Variants in JHY observed in about 807,000 individuals in gnomAD.
JHY encodes junctional cadherin complex regulator, also known as jhy protein homolog.
Under a neutral mutation model 78.0 loss-of-function variants are expected in JHY, and 69 were observed. That is an observed-to-expected ratio of 0.88 (90% CI 0.73 to 1.08). The LOEUF is 1.08. Ranked by LOEUF, JHY falls within the 50% of genes least tolerant of loss-of-function variation. The probability of loss-of-function intolerance (pLI) is 0.00; values close to 1 mark genes in which losing one functional copy is unlikely to be tolerated. For missense variants in JHY, 944 were observed against 927.8 expected, an observed-to-expected ratio of 1.02 and a Z score of -0.23; for synonymous variants, 368 against 342.6, an observed-to-expected ratio of 1.07 and a Z score of -0.82.
intron 2 of JHY, among the ~76,000 whole-genome samples, chr11:122,895,674 C>G (rs1368240506): frequency 6.6e-6 from 1 of 152,224 alleles, no homozygotes; most frequent in Non-Finnish European, 1.5e-5. Flanking sequence ...GCTGTCTGAA[C>G]AGTAACAAAA....
chr11:122,915,544 G>C (rs555618223), intron 3 of JHY, among the ~76,000 whole-genome samples: 12 of 152,008 alleles, frequency 7.9e-5, no homozygotes, highest in African/African-American at 2.9e-4. Flanking sequence ...ACAGAGTCTC[G>C]CCCTGTCATC....
intron 6 of JHY, 41 bp from the exon 7 acceptor site, chr11:122,956,455 C>A: frequency 1.3e-6 from 2 of 1,588,388 alleles, no homozygotes; most frequent in Non-Finnish European, 1.7e-6. Flanking sequence ...GGGGGACACA[C>A]AAGTCCTTAA....
chr11:122,892,794 A>T (rs1862653294), intron 2 of JHY, among the ~76,000 whole-genome samples: 1 of 152,186 alleles, frequency 6.6e-6, no homozygotes, highest in South Asian at 2.1e-4. Flanking sequence ...CTTAGGGAAG[A>T]CCAAAACTCA....
At chr11:122,912,893 GC>G (rs1187619935) in intron 3 of JHY, among the ~76,000 whole-genome samples, 3 of 151,946 alleles carry the variant, frequency 2.0e-5, no homozygotes, top group African/African-American at 7.3e-5. Flanking sequence ...TTTATACCAA[GC>G]TACGGACTCG....
chr11:122,915,342 T>G (rs900739087), intron 3 of JHY, among the ~76,000 whole-genome samples: 1 of 152,184 alleles, frequency 6.6e-6, no homozygotes, highest in Non-Finnish European at 1.5e-5. Context: ...GAAGCAGACA[T>G]GTAAACAGTC....
chr11:122,903,850 T>C (rs1448262142), intron 2 of JHY, 75 bp from the exon 3 acceptor site: 1 of 1,489,566 alleles, frequency 6.7e-7, no homozygotes, highest in African/African-American at 1.4e-5. Context: ...TGATTTCAAA[T>C]AAAATGTTCA....
At chr11:122,940,287 G>A (rs1161661592) in intron 5 of JHY, among the ~76,000 whole-genome samples, 1 of 152,078 alleles carries the variant, frequency 6.6e-6, no homozygotes, top group Non-Finnish European at 1.5e-5. Flanking sequence ...GCAGTGAGCT[G>A]AGATCCTGCC....
intron 3 of JHY, among the ~76,000 whole-genome samples, chr11:122,924,166 G>A (rs559628513): frequency 1.4e-4 from 22 of 151,738 alleles, no homozygotes; most frequent in Admixed American, 1.2e-3. Context: ...TAATTTCCTC[G>A]GTTTTTCTAA....
In JHY at chr11:122,899,483, C is replaced by G. The variant is rs143050258; in HGVS notation, c.345-4442C>G. ...CAAGAAGCCTTTACATGTTTAGATT[C>G]GAATTTATTACTATTGATTTTTAAA... On this transcript the variant is annotated intron_variant, in intron 2 of 8. Coordinates refer to ENST00000227349, the MANE Select transcript of JHY (RefSeq NM_024806.4). 1.1e-4 allele frequency among the ~76,000 whole-genome samples: 17 copies of G among 152,236 alleles called. 1 individual carries two copies. The highest frequency in any genetic ancestry group is 1.1e-3 in the Admixed American group (17 of 15,288).
chr11:122,896,758 A>G (rs1428260996), intron 2 of JHY, among the ~76,000 whole-genome samples: 1 of 152,210 alleles, frequency 6.6e-6, no homozygotes, highest in African/African-American at 2.4e-5. Flanking sequence ...AAGCAAGGCT[A>G]GTGCTGGAGC....
At chr11:122,939,051 G>A (rs539676987) in intron 5 of JHY, among the ~76,000 whole-genome samples, 284 of 149,864 alleles carry the variant, frequency 1.9e-3, no homozygotes, top group Non-Finnish European at 3.0e-3. Context: ...GCAGTGGCAC[G>A]ATCTCAGCTC....
At position 122,946,721 on chromosome 11, in the gene JHY, C is replaced by T. The variant is rs144645253; in HGVS notation, c.1858C>T (p.Arg620Cys). The change falls in exon 6 of 9, where the codon CGT (arginine) becomes TGT (cysteine). Residue 620 changes from arginine (R) to cysteine (C), a missense_variant. Arg to Cys is a radical substitution (Grantham distance 180). Transcript: ENST00000227349. ...RSQRNQVKIS[R>C]SNSEGYLFQL... ...CCAAAGAAACCAAGTGAAAATTAGC[C>T]GTAGCAATTCTGAAGGCTATCTGTT... The T allele has an allele frequency of 5.3e-5, 85 of 1,613,800 alleles. No homozygotes were observed. Among genetic ancestry groups the T allele is most frequent in the African/African-American group, 4.5e-4 (34 of 74,976 alleles).
chr11:122,959,463 G>A lies in JHY; in HGVS notation c.*18G>A. ...TCGTATAGACAACATTTGATAGGAA[G>A]GAGACCAAAAATGGTCCAGGAATGA... is the stretch of plus-strand genomic sequence containing the variant. On this transcript the variant is annotated 3_prime_UTR_variant, in exon 9 of 9. Transcript: ENST00000227349. The A allele has an allele frequency of 6.2e-7, 1 of 1,611,068 alleles. No individual in the cohort carries two copies. The highest frequency in any genetic ancestry group is 8.5e-7 in the Non-Finnish European group (1 of 1,178,048).
intron 6 of JHY, 134 bp downstream of exon 6, chr11:122,946,926 G>A: frequency 9.3e-7 from 1 of 1,070,666 alleles, no homozygotes; most frequent in Non-Finnish European, 1.3e-6. Context: ...AGAGTCCTAA[G>A]GAGTTTCTTA....
Position 122,917,848 on chromosome 11 carries a change from C to G in JHY, c.865-7049C>G, listed in dbSNP as rs1863264884. ...GAGATATTCCTAAAAATCTCTTTCACATTCTTAAAAATGGCCATTATTCAT... is the reference window on the plus strand; with the variant it reads ...GAGATATTCCTAAAAATCTCTTTCAGATTCTTAAAAATGGCCATTATTCAT... On this transcript the variant is annotated intron_variant, in intron 3 of 8. Coordinates refer to ENST00000227349, the MANE Select transcript of JHY (RefSeq NM_024806.4). This position sits in a 1 kb window ranked among gnomAD's most constrained non-coding sequence, Gnocchi z 4.1. Among the ~76,000 whole-genome samples, 1 of 152,132 alleles carries G rather than the reference C, an allele frequency of 6.6e-6. No homozygotes were observed. The highest frequency in any genetic ancestry group is 6.5e-5 in the Admixed American group (1 of 15,272).
At chr11:122,894,332 CA>C (rs1294597183) in intron 2 of JHY, among the ~76,000 whole-genome samples, 2 of 151,580 alleles carry the variant, frequency 1.3e-5, no homozygotes, top group African/African-American at 4.8e-5. Flanking sequence ...AAAAAGCAAA[CA>C]AAAACAAAAA....
At chr11:122,896,700 A>G (rs1862746757) in intron 2 of JHY, among the ~76,000 whole-genome samples, 1 of 152,228 alleles carries the variant, frequency 6.6e-6, no homozygotes, top group Non-Finnish European at 1.5e-5. Flanking sequence ...CAGAAGCACA[A>G]TACACAACAA....
Position 122,905,142 on chromosome 11 carries a change from C to G in JHY, c.864+698C>G, listed in dbSNP as rs753752275. The stretch of plus-strand genomic sequence containing the variant: ...AGTCTCTTTATTTGTAAAATTGGGA[C>G]AGTAATAAATGCCTTCTCTTCCTCA... On this transcript the variant is annotated intron_variant, in intron 3 of 8. Transcript: ENST00000227349. 12 of 1,508,066 alleles carry G rather than the reference C, an allele frequency of 8.0e-6. No homozygotes were observed. In the South Asian group the frequency reaches 1.0e-4, roughly 13 times the overall value. 93.4% of individuals were successfully genotyped at this position (1,508,066 alleles called of 1,614,324 possible).
intron 3 of JHY, among the ~76,000 whole-genome samples, chr11:122,911,905 C>CAAAAAAAAAAAAAAAA (rs59941995): frequency 1.0e-4 from 5 of 49,722 alleles, no homozygotes; most frequent in African/African-American, 2.4e-4. Context: ...AACTCTGTCT[C>CAAAAAAAAAAAAAAAA]AAAAAAAAAA....
Sources: allele counts gnomAD v4.1 joint callset (sites outside exome capture counted in the v4.1 genomes callset), GRCh38; gene constraint gnomAD v4.1.1; non-coding constraint Gnocchi (gnomAD v3.1); transcripts MANE v1.5; gene names NCBI Gene and HGNC (gene_info 2026-07-23, HGNC 2026-07-21).